The following LINGO1 variants were observed in gnomAD, a reference collection of about 807,000 sequenced individuals.
The protein encoded by LINGO1 is leucine-rich repeat and immunoglobulin-like domain-containing nogo receptor-interacting protein 1.
LINGO1 carries 11 observed loss-of-function variants against 37.3 expected under a neutral mutation model. That is an observed-to-expected ratio of 0.29 (90% CI 0.19 to 0.49). LINGO1 has a LOEUF of 0.49. Among genes scored for constraint, LINGO1 ranks in the 20% least tolerant of loss-of-function variants. LINGO1 has a pLI of 0.99. For synonymous variants in LINGO1, 387 were observed against 403.0 expected, an observed-to-expected ratio of 0.96 and a Z score of 0.48; for missense variants, 585 against 878.2, an observed-to-expected ratio of 0.67 and a Z score of 4.22.
upstream of LINGO1, among the ~76,000 whole-genome samples, chr15:77,697,234 G>C (rs1464267113): frequency 6.6e-6 from 1 of 152,206 alleles, no homozygotes; most frequent in Non-Finnish European, 1.5e-5. Context: ...TGACCTGTAC[G>C]TGTGTCAGAT....
intron 1 of LINGO1, among the ~76,000 whole-genome samples, chr15:77,624,105 T>C (rs2074015506): frequency 6.7e-6 from 1 of 148,964 alleles, no homozygotes. Context: ...GATGTGTGTG[T>C]GTGGAGTGCG....
chr15:77,754,021 A>G (rs1294637672), intron 1 of LINGO1, among the ~76,000 whole-genome samples: 2 of 152,134 alleles, frequency 1.3e-5, no homozygotes, highest in African/African-American at 4.8e-5. Flanking sequence ...AGAGAAGACA[A>G]AGAAGGCATT....
At position 77,615,060 on chromosome 15, in the gene LINGO1, C is replaced by A. The variant is rs369718013; in HGVS notation, c.847G>T (p.Val283Phe). The change falls in exon 2 of 2, where the codon GTC becomes TTC. Residue 283 changes from valine to phenylalanine, a missense_variant. Val to Phe is a conservative substitution (Grantham distance 50, BLOSUM62 -1). Around this residue, in one of 4 missense-constraint regions of LINGO1, gnomAD observed 484 missense variants for 735.0 expected, o/e 0.66. Coordinates refer to ENST00000355300, the MANE Select transcript of LINGO1 (RefSeq NM_032808.7). Reference protein sequence around the residue: ...CNLTAVPYLAVRHLVYLRFLN... With the variant: ...CNLTAVPYLAFRHLVYLRFLN... ...AAGCGGAGATAGACTAGGTGGCGGA[C>A]GGCCAGGTAGGGCACAGCGGTCAGA... The A allele has an allele frequency of 5.0e-6, 8 of 1,613,842 alleles. No individual in the cohort carries two copies. Among genetic ancestry groups the A allele is most frequent in the Non-Finnish European group, 5.9e-6 (7 of 1,179,898 alleles).
intron 1 of LINGO1, among the ~76,000 whole-genome samples, chr15:77,749,134 CT>C (rs2076346009): frequency 6.6e-6 from 1 of 151,966 alleles, no homozygotes; most frequent in African/African-American, 2.4e-5. Context: ...TCTCGAACTT[CT>C]GACCTTAGGT....
chr15:77,695,786 C>T (rs12900699), intron 1 of LINGO1, among the ~76,000 whole-genome samples: 12,390 of 152,266 alleles, frequency 0.081, 578 homozygotes, highest in Middle Eastern at 0.13. Context: ...CAGGTGTTCC[C>T]GAGGCCGGCT....
intron 1 of LINGO1, among the ~76,000 whole-genome samples, chr15:77,798,905 C>T (rs550479465): frequency 3.9e-4 from 60 of 152,094 alleles, no homozygotes; most frequent in Admixed American, 7.9e-4. Flanking sequence ...GGCTGGCACC[C>T]GGTACACACT....
intron 1 of LINGO1, among the ~76,000 whole-genome samples, chr15:77,748,208 G>A (rs2076334280): frequency 6.6e-6 from 1 of 152,246 alleles, no homozygotes. Context: ...CACTCTCTGA[G>A]CTGTTCCTAA....
At chr15:77,748,505 C>T (rs944951626) in intron 1 of LINGO1, among the ~76,000 whole-genome samples, 7 of 152,152 alleles carry the variant, frequency 4.6e-5, no homozygotes, top group African/African-American at 7.2e-5. Context: ...TGGGCGTGGC[C>T]AACCCCTTTG....
intron 1 of LINGO1, among the ~76,000 whole-genome samples, chr15:77,811,655 C>A (rs1211673940): frequency 6.6e-6 from 1 of 152,214 alleles, no homozygotes; most frequent in African/African-American, 2.4e-5. Context: ...ACTTCAGAGG[C>A]CTCAGTCCGC....
chr15:77,652,819 T>C (rs1441542293), intron 3 of LINGO1, among the ~76,000 whole-genome samples: 1 of 152,200 alleles, frequency 6.6e-6, no homozygotes, highest in Admixed American at 6.5e-5. Context: ...GTCTGTGCCA[T>C]GGCTGGCAAT....
intron 2 of LINGO1, among the ~76,000 whole-genome samples, chr15:77,679,183 G>C (rs1335355997): frequency 6.6e-6 from 1 of 152,194 alleles, no homozygotes; most frequent in African/African-American, 2.4e-5. Flanking sequence ...TTATGGGTGT[G>C]AGCCACCGCG....
chr15:77,699,742 A>AT (rs796805531), upstream of LINGO1, among the ~76,000 whole-genome samples: 2 of 602 alleles, frequency 3.3e-3, no homozygotes, highest in African/African-American at 9.5e-3. Context: ...ACTAACCATC[A>AT]CCTGCACACA....
chr15:77,755,894 T>A (rs909344417), intron 1 of LINGO1, among the ~76,000 whole-genome samples: 1 of 152,122 alleles, frequency 6.6e-6, no homozygotes, highest in East Asian at 1.9e-4. Context: ...TCCCCTTCAA[T>A]CTTCCAAAGG....
chr15:77,770,863 C>CACCGCCTACCTGGCCT (rs2076578439), intron 1 of LINGO1, among the ~76,000 whole-genome samples: 1 of 152,210 alleles, frequency 6.6e-6, no homozygotes, highest in South Asian at 2.1e-4. Flanking sequence ...CCCAGATGCC[C>CACCGCCTACCTGGCCT]ACCGCCTACC....
chr15:77,795,021 GC>G (rs1273427049), intron 2 of LINGO1, among the ~76,000 whole-genome samples: 6 of 152,122 alleles, frequency 3.9e-5, no homozygotes, highest in African/African-American at 1.4e-4. Flanking sequence ...GTCCAGGCCT[GC>G]CACCAGGCTT....
chr15:77,806,135 C>G (rs2076957782), intron 1 of LINGO1, among the ~76,000 whole-genome samples: 1 of 152,184 alleles, frequency 6.6e-6, no homozygotes, highest in Non-Finnish European at 1.5e-5. Flanking sequence ...AACAGCGATG[C>G]CACTGGTGAG....
chr15:77,618,044 C>T (rs2073788695), intron 1 of LINGO1, among the ~76,000 whole-genome samples: 2 of 152,214 alleles, frequency 1.3e-5, no homozygotes, highest in Non-Finnish European at 2.9e-5. Flanking sequence ...ACCAGAAAAG[C>T]AAACATCCTG....
intron 1 of LINGO1, among the ~76,000 whole-genome samples, chr15:77,815,649 C>G (rs2077041728): frequency 6.6e-6 from 1 of 152,160 alleles, no homozygotes; most frequent in Non-Finnish European, 1.5e-5. Context: ...ACACTTGCCA[C>G]CTCTGTATGC....
At chr15:77,653,008 A>G (rs1198697483) in intron 3 of LINGO1, among the ~76,000 whole-genome samples, 1 of 152,226 alleles carries the variant, frequency 6.6e-6, no homozygotes, top group Admixed American at 6.5e-5. Context: ...GCCACCTCAG[A>G]TTGGGAAGGG....
Sources: allele counts gnomAD v4.1 joint callset (sites outside exome capture counted in the v4.1 genomes callset), GRCh38; gene constraint gnomAD v4.1.1; regional missense constraint gnomAD v4.1.1; transcripts MANE v1.5; gene names NCBI Gene and HGNC (gene_info 2026-07-23, HGNC 2026-07-21).